The following PRKCB variants were observed in gnomAD, a reference collection of about 807,000 sequenced individuals.
PRKCB encodes the protein protein kinase C beta.
PRKCB carries 13 observed loss-of-function variants against 81.5 expected under a neutral mutation model. The observed-to-expected ratio is 0.16, with a 90% CI of 0.10 to 0.25. The LOEUF is 0.25. PRKCB is among the 10% of genes least tolerant of loss of function. The pLI, the probability that PRKCB is intolerant of heterozygous loss-of-function variation, is 1.00. For missense variants in PRKCB, 509 were observed against 875.7 expected, an observed-to-expected ratio of 0.58 and a Z score of 5.29; for synonymous variants, 335 against 321.4, an observed-to-expected ratio of 1.04 and a Z score of -0.45.
intron 16 of PRKCB, among the ~76,000 whole-genome samples, chr16:24,193,241 G>T (rs1238960549): frequency 6.6e-6 from 1 of 151,812 alleles, no homozygotes; most frequent in African/African-American, 2.4e-5. Context: ...TCAGGAGTTC[G>T]AGATCAGCCT....
At chr16:24,075,186 A>G (rs993083294) in intron 5 of PRKCB, among the ~76,000 whole-genome samples, 6 of 152,138 alleles carry the variant, frequency 3.9e-5, no homozygotes, top group Non-Finnish European at 7.4e-5. Context: ...TTCCAACACA[A>G]TAGCCACATT....
intron 9 of PRKCB, among the ~76,000 whole-genome samples, chr16:24,124,300 G>A (rs1966836021): frequency 2.0e-5 from 3 of 152,198 alleles, no homozygotes; most frequent in Admixed American, 6.5e-5. Flanking sequence ...GGTGGGGACA[G>A]GCTGGGTGCA....
chr16:24,200,348 G>A (rs1363007102), intron 16 of PRKCB, among the ~76,000 whole-genome samples: 2 of 152,128 alleles, frequency 1.3e-5, no homozygotes, highest in African/African-American at 2.4e-5. Context: ...AGGACACACA[G>A]CTTGGAGTCT....
chr16:24,217,298 T>C lies in PRKCB; in HGVS notation c.*2482T>C, dbSNP rs1335446300. The stretch of plus-strand genomic sequence containing the variant: ...AGCCAAAGTCTGTTTTAGAGAAACT[T>C]TCCATGGAAAGTCAGAATTTCTACC... On this transcript the variant is annotated 3_prime_UTR_variant, in exon 17 of 17. Coordinates refer to ENST00000643927, the MANE Select transcript of PRKCB (RefSeq NM_002738.7). 1.0e-6 allele frequency: 1 copy of C among 985,430 alleles called. No homozygotes were observed. The highest frequency in any genetic ancestry group is 1.2e-6 in the Non-Finnish European group (1 of 829,918). The allele number at this position is 985,430 out of a possible 1,614,324, so 61.0% of individuals were successfully genotyped here. A position where few individuals can be genotyped will look rare whatever the true frequency, so the allele number is the denominator to read the frequency against.
intron 15 of PRKCB, among the ~76,000 whole-genome samples, chr16:24,186,281 A>G (rs198141): frequency 0.99 from 150,437 of 152,292 alleles, 74,312 homozygotes; most frequent in Middle Eastern, 1. Flanking sequence ...GAGCCATCAG[A>G]ATAACCCGAA....
At chr16:23,901,474 T>G (rs913482567) in intron 2 of PRKCB, among the ~76,000 whole-genome samples, 5 of 152,068 alleles carry the variant, frequency 3.3e-5, no homozygotes, top group Admixed American at 2.0e-4. Flanking sequence ...GGAAACAGCT[T>G]TGAGAGCGGA....
intron 8 of PRKCB, among the ~76,000 whole-genome samples, chr16:24,115,112 G>T (rs1165564975): frequency 6.6e-6 from 1 of 152,218 alleles, no homozygotes; most frequent in African/African-American, 2.4e-5. Flanking sequence ...GTAGAGCAGA[G>T]AAAGCCAAAG....
intron 2 of PRKCB, among the ~76,000 whole-genome samples, chr16:23,882,004 T>TTCTTTCTTTCTTTCTTTCTTTCTTTC (rs1555481650): frequency 6.9e-5 from 5 of 71,970 alleles, no homozygotes; most frequent in Admixed American, 1.6e-4. Context: ...CTTTCTTTCT[T>TTCTTTCTTTCTTTCTTTCTTTCTTTC]TCTTTCTTTC....
intron 5 of PRKCB, among the ~76,000 whole-genome samples, chr16:24,065,792 T>G (rs899599341): frequency 6.6e-6 from 1 of 152,350 alleles, no homozygotes; most frequent in African/African-American, 2.4e-5. Flanking sequence ...GAGGATTGCT[T>G]GAGCTCAAGA....
intron 3 of PRKCB, among the ~76,000 whole-genome samples, chr16:24,015,327 C>T (rs1033013899): frequency 4.6e-5 from 7 of 152,214 alleles, no homozygotes; most frequent in Non-Finnish European, 7.3e-5. Context: ...CGAGGCTGCA[C>T]GACTGGAAAT....
chr16:24,180,013 C>T lies in PRKCB; in HGVS notation c.1395-777C>T, dbSNP rs938322656. Among the ~76,000 whole-genome samples the T allele has an allele frequency of 3.5e-4, 53 of 151,916 alleles. 1 individual carries two copies. Among genetic ancestry groups the T allele is most frequent in the African/African-American group, 1.1e-3 (44 of 41,340 alleles). On this transcript the variant is annotated intron_variant, in intron 12 of 16. Coordinates refer to ENST00000643927, the MANE Select transcript of PRKCB (RefSeq NM_002738.7). ...AGGCTGGAGTGCAGTGGCGTGATCT[C>T]GGCTCACTGCAACCTCTGCCTCCCA...
At chr16:24,152,120 T>C (rs1157393524) in intron 9 of PRKCB, among the ~76,000 whole-genome samples, 1 of 152,070 alleles carries the variant, frequency 6.6e-6, no homozygotes, top group African/African-American at 2.4e-5. Flanking sequence ...ATGCTGCTGA[T>C]AAAGACATAC....
chr16:24,149,853 A>G (rs1967050863), intron 9 of PRKCB, among the ~76,000 whole-genome samples: 2 of 152,250 alleles, frequency 1.3e-5, no homozygotes, highest in South Asian at 4.1e-4. Flanking sequence ...TAATCCATTC[A>G]AAGTAATATA....
chr16:24,120,762 C>A (rs1009594565), intron 8 of PRKCB, among the ~76,000 whole-genome samples: 12 of 152,126 alleles, frequency 7.9e-5, no homozygotes, highest in Middle Eastern at 6.8e-3. Flanking sequence ...AAGACAGGGT[C>A]TCCCTTTATC....
intron 13 of PRKCB, among the ~76,000 whole-genome samples, chr16:24,184,325 C>T (rs1967670083): frequency 6.6e-6 from 1 of 151,998 alleles, no homozygotes; most frequent in Admixed American, 6.6e-5. Context: ...GTGGTGAGCA[C>T]CTGTAGTCCC....
At position 24,219,906 on chromosome 16, in the gene PRKCB, G is replaced by C. The variant is rs1968295653; in HGVS notation, c.*5090G>C. 5.0e-6 allele frequency: 8 copies of C among 1,590,236 alleles called. 1 individual carries two copies. The East Asian group carries it at 1.8e-4, about 36-fold the overall frequency. On this transcript the variant is annotated 3_prime_UTR_variant, in exon 17 of 17. Coordinates refer to ENST00000643927, the MANE Select transcript of PRKCB (RefSeq NM_002738.7). ...AGCCACCCAATGACTGGCGTATCTT[G>C]GTCCTGTGTCTTTCTTCTTACGCTG...
chr16:24,182,873 T>TGTGTGTGTG (rs1555501178), intron 13 of PRKCB, among the ~76,000 whole-genome samples: 1 of 133,520 alleles, frequency 7.5e-6, no homozygotes, highest in African/African-American at 3.1e-5. Flanking sequence ...ACATTGTTTC[T>TGTGTGTGTG]TGTGTGTGTG....
chr16:23,855,303 C>T (rs1483309775), intron 2 of PRKCB, among the ~76,000 whole-genome samples: 1 of 152,068 alleles, frequency 6.6e-6, no homozygotes, highest in East Asian at 1.9e-4. Context: ...TCAGTTCCTC[C>T]CCAATCACAT....
At chr16:23,902,928 T>G (rs1320900164) in intron 2 of PRKCB, among the ~76,000 whole-genome samples, 1 of 151,690 alleles carries the variant, frequency 6.6e-6, no homozygotes, top group Non-Finnish European at 1.5e-5. Flanking sequence ...CTCAACTTCT[T>G]GAGTAGCTTT....
Sources: allele counts gnomAD v4.1 joint callset (sites outside exome capture counted in the v4.1 genomes callset), GRCh38; gene constraint gnomAD v4.1.1; transcripts MANE v1.5; gene names NCBI Gene and HGNC (gene_info 2026-07-23, HGNC 2026-07-21).